Variants in ZNF438 observed in about 807,000 individuals in gnomAD.
ZNF438 encodes the protein zinc finger protein 438.
Under a neutral mutation model 38.0 loss-of-function variants are expected in ZNF438, and 25 were observed. The observed-to-expected ratio is 0.66, with a 90% CI of 0.48 to 0.92. ZNF438 has a LOEUF of 0.92. Ranked by LOEUF, ZNF438 falls within the 40% of genes least tolerant of loss-of-function variation. The pLI, the probability that ZNF438 is intolerant of heterozygous loss-of-function variation, is 0.00. For missense variants in ZNF438, 1,007 were observed against 999.6 expected (o/e 1.01, Z -0.10); for synonymous variants, 372 against 364.1 (o/e 1.02, Z -0.25).
At chr10:30,866,017 G>A (rs1043005940) in intron 4 of ZNF438, among the ~76,000 whole-genome samples, 8 of 152,120 alleles carry the variant, frequency 5.3e-5, no homozygotes, top group Non-Finnish European at 8.8e-5. Context: ...AACTTCTCTA[G>A]CAACTTAGCC....
intron 1 of ZNF438, among the ~76,000 whole-genome samples, chr10:30,973,220 C>T (rs2050945021): frequency 6.6e-6 from 1 of 152,224 alleles, no homozygotes; most frequent in African/African-American, 2.4e-5. Flanking sequence ...TTCTATTATT[C>T]TCCCCTGTAT....
intron 1 of ZNF438, among the ~76,000 whole-genome samples, chr10:30,951,546 C>CA (rs1192085680): frequency 6.6e-6 from 1 of 152,092 alleles, no homozygotes; most frequent in Non-Finnish European, 1.5e-5. Context: ...GCAACTTCAG[C>CA]AAAGTCTCAG....
chr10:30,929,847 C>G (rs991214718), intron 2 of ZNF438, among the ~76,000 whole-genome samples: 8 of 151,938 alleles, frequency 5.3e-5, no homozygotes, highest in Non-Finnish European at 1.0e-4. Flanking sequence ...CTGATTGGTG[C>G]ATTTACAAAC....
intron 3 of ZNF438, among the ~76,000 whole-genome samples, chr10:30,891,853 A>G (rs567643469): frequency 9.2e-5 from 14 of 152,326 alleles, no homozygotes; most frequent in African/African-American, 3.1e-4. Context: ...TACATCAAGC[A>G]GAACATCCTT....
At chr10:30,886,851 A>G (rs183299993) in intron 3 of ZNF438, among the ~76,000 whole-genome samples, 20 of 152,348 alleles carry the variant, frequency 1.3e-4, no homozygotes, top group Admixed American at 3.3e-4. Flanking sequence ...GATAATTTAC[A>G]TTCAACAAAA....
intron 1 of ZNF438, among the ~76,000 whole-genome samples, chr10:30,976,782 T>C (rs1328448785): frequency 6.7e-6 from 1 of 149,824 alleles, no homozygotes; most frequent in African/African-American, 2.4e-5. Flanking sequence ...ATAAAAGGTA[T>C]AATCCTCAAT....
chr10:30,973,437 T>G (rs1015954492), intron 1 of ZNF438, among the ~76,000 whole-genome samples: 2 of 152,212 alleles, frequency 1.3e-5, no homozygotes, highest in Non-Finnish European at 2.9e-5. Context: ...GAGGGCAGAC[T>G]TTACTGAATG....
At chr10:30,948,386 C>A (rs1296553097) in intron 1 of ZNF438, among the ~76,000 whole-genome samples, 1 of 152,140 alleles carries the variant, frequency 6.6e-6, no homozygotes, top group Middle Eastern at 3.2e-3. Context: ...AGCAACGGAA[C>A]AAAGCTGGAT....
intron 2 of ZNF438, among the ~76,000 whole-genome samples, chr10:30,927,212 C>G (rs1240123367): frequency 6.6e-6 from 1 of 152,208 alleles, no homozygotes; most frequent in Non-Finnish European, 1.5e-5. Context: ...AAAGCCATCT[C>G]AGTTTTGGAG....
At chr10:30,846,296 G>A (rs2032062397) in intron 5 of ZNF438, among the ~76,000 whole-genome samples, 1 of 152,248 alleles carries the variant, frequency 6.6e-6, no homozygotes, top group African/African-American at 2.4e-5. Context: ...GTGCAGCCGG[G>A]ACTTGTGGGG....
At chr10:30,970,572 A>G (rs996550732) in intron 1 of ZNF438, among the ~76,000 whole-genome samples, 12 of 152,288 alleles carry the variant, frequency 7.9e-5, no homozygotes, top group African/African-American at 2.6e-4. Context: ...TTTGTCATGA[A>G]ATGTGGAAAA....
At chr10:30,980,949 C>G (rs1321320764) in intron 1 of ZNF438, among the ~76,000 whole-genome samples, 1 of 152,212 alleles carries the variant, frequency 6.6e-6, no homozygotes, top group Admixed American at 6.5e-5. Flanking sequence ...CTATTTCTGA[C>G]TCCTGACCAA....
At chr10:30,870,560 C>T (rs1199301099) in intron 4 of ZNF438, among the ~76,000 whole-genome samples, 1 of 152,078 alleles carries the variant, frequency 6.6e-6, no homozygotes, top group Non-Finnish European at 1.5e-5. Context: ...GGAGAAAACA[C>T]TTGTATTAGA....
chr10:30,985,680 C>A (rs906959477), intron 1 of ZNF438, among the ~76,000 whole-genome samples: 2 of 152,154 alleles, frequency 1.3e-5, no homozygotes. Context: ...ACAAAATTAC[C>A]GTTGGTTCTC....
intron 2 of ZNF438, among the ~76,000 whole-genome samples, chr10:30,938,227 C>T (rs1454899169): frequency 6.6e-6 from 1 of 152,070 alleles, no homozygotes; most frequent in Non-Finnish European, 1.5e-5. Flanking sequence ...CTTGTGTTGC[C>T]AGTTCTCTAT....
chr10:30,880,637 T>C (rs927174706), intron 3 of ZNF438, among the ~76,000 whole-genome samples: 3 of 152,012 alleles, frequency 2.0e-5, no homozygotes, highest in Admixed American at 6.6e-5. Context: ...GAGGAAATGT[T>C]TACTATCTAA....
At chr10:31,015,964 T>C (rs1161842351) in intron 1 of ZNF438, among the ~76,000 whole-genome samples, 1 of 152,188 alleles carries the variant, frequency 6.6e-6, no homozygotes, top group Non-Finnish European at 1.5e-5. Context: ...TTAACCTTAA[T>C]CACCTCCTTA....
chr10:31,010,892 GAAAAAAAAAAAAAAAA>G (rs563189482), intron 1 of ZNF438, among the ~76,000 whole-genome samples: 22 of 92,584 alleles, frequency 2.4e-4, no homozygotes, highest in Middle Eastern at 5.6e-3. Context: ...GACCCTGTTT[GAAAAAAAAAAAAAAAA>G]AAAAAAAAAA....
At chr10:30,890,488 G>T (rs545252100) in intron 3 of ZNF438, among the ~76,000 whole-genome samples, 1 of 152,252 alleles carries the variant, frequency 6.6e-6, no homozygotes, top group Non-Finnish European at 1.5e-5. Flanking sequence ...GGCAGCTCCT[G>T]CCTCCAAATG....
Sources: allele counts gnomAD v4.1 joint callset (sites outside exome capture counted in the v4.1 genomes callset), GRCh38; gene constraint gnomAD v4.1.1; transcripts MANE v1.5; gene names NCBI Gene and HGNC (gene_info 2026-07-23, HGNC 2026-07-21).